SMARCAD1: variants seen among roughly 807,000 people sequenced by gnomAD.
SMARCAD1 encodes SWI/SNF-related matrix-associated actin-dependent regulator of chromatin subfamily A containing DEAD/H box 1.
SMARCAD1 carries 25 observed loss-of-function variants against 127.1 expected under a neutral mutation model. The observed-to-expected ratio is 0.20, with a 90% CI of 0.14 to 0.27. SMARCAD1 has a LOEUF of 0.27. SMARCAD1 is among the 10% of genes least tolerant of loss of function. The pLI, the probability that SMARCAD1 is intolerant of heterozygous loss-of-function variation, is 1.00. For missense variants in SMARCAD1, 807 were observed against 1,206.0 expected (o/e 0.67, Z 4.90); for synonymous variants, 400 against 396.9 (o/e 1.01, Z -0.09).
chr4:94,246,744 T>G (rs1255987916), intron 6 of SMARCAD1, among the ~76,000 whole-genome samples: 1 of 152,132 alleles, frequency 6.6e-6, no homozygotes, highest in African/African-American at 2.4e-5. Flanking sequence ...CAAGTGATAC[T>G]CTCTAGACTG....
intron 6 of SMARCAD1, among the ~76,000 whole-genome samples, chr4:94,245,851 A>G (rs1210094999): frequency 6.6e-6 from 1 of 152,200 alleles, no homozygotes; most frequent in Admixed American, 6.5e-5. Context: ...TGCATAATGC[A>G]GTAATTTTTG....
chr4:94,278,745 T>C lies in SMARCAD1; in HGVS notation c.2296+12T>C. 6.2e-7 allele frequency: 1 copy of C among 1,611,234 alleles called. No homozygotes were observed. Among genetic ancestry groups the C allele is most frequent in the Non-Finnish European group, 8.5e-7 (1 of 1,177,400 alleles). On this transcript the variant is annotated intron_variant, in intron 18 of 23. Transcript: ENST00000354268. ...TATCAATAACTTGGGTATAATCTGA[T>C]TTTTACTCTTTTATGTGAAAAAGAA... is the stretch of plus-strand genomic sequence containing the variant.
At chr4:94,209,681 G>A (rs897993586) in intron 2 of SMARCAD1, among the ~76,000 whole-genome samples, 2 of 152,198 alleles carry the variant, frequency 1.3e-5, no homozygotes, top group Non-Finnish European at 2.9e-5. Context: ...TTGGAAATTG[G>A]CAGAATGATT....
In SMARCAD1 at chr4:94,289,464, G is replaced by C; in HGVS notation, c.3020-9G>C. ...TATAAAGCTTTTAATGCTACTTTCTGACCTACAGGTGATGAAGGGAGTATG... is the reference window on the plus strand; with the variant it reads ...TATAAAGCTTTTAATGCTACTTTCTCACCTACAGGTGATGAAGGGAGTATG... On this transcript the variant is annotated splice_polypyrimidine_tract_variant and intron_variant, in intron 23 of 23. Coordinates refer to ENST00000354268, the MANE Select transcript of SMARCAD1 (RefSeq NM_020159.5). 1 of 1,609,688 alleles carries C rather than the reference G, an allele frequency of 6.2e-7. No individual in the cohort carries two copies. The highest frequency in any genetic ancestry group is 8.5e-7 in the Non-Finnish European group (1 of 1,176,510).
At position 94,290,182 on chromosome 4, in the gene SMARCAD1, G is replaced by A; in HGVS notation, c.*648G>A. On this transcript the variant is annotated 3_prime_UTR_variant, in exon 24 of 24. Transcript: ENST00000354268. The stretch of plus-strand genomic sequence containing the variant: ...GCACTAAGTTGTTTTCCAGTGAATA[G>A]TAACTAAAGAAGCCCCTACCTTGCT... 8.8e-6 allele frequency: 4 copies of A among 454,456 alleles called. No homozygotes were observed. Among genetic ancestry groups the A allele is most frequent in the Non-Finnish European group, 1.8e-5 (4 of 226,734 alleles). The allele number at this position is 454,456 out of a possible 1,614,324, so 28.2% of individuals were successfully genotyped here. A position where few individuals can be genotyped will look rare whatever the true frequency, so the allele number is the denominator to read the frequency against.
intron 6 of SMARCAD1, among the ~76,000 whole-genome samples, chr4:94,244,305 C>G (rs1748065652): frequency 6.6e-6 from 1 of 152,172 alleles, no homozygotes; most frequent in South Asian, 2.1e-4. Context: ...CAGTTTCCTA[C>G]AAACAATGCT....
chr4:94,237,850 A>C (rs1746935740), intron 5 of SMARCAD1, among the ~76,000 whole-genome samples: 1 of 152,160 alleles, frequency 6.6e-6, no homozygotes, highest in Non-Finnish European at 1.5e-5. Context: ...TAAATAGAAC[A>C]AAAATTTCTG....
At chr4:94,272,140 A>C (rs924746710) in intron 11 of SMARCAD1, among the ~76,000 whole-genome samples, 3 of 152,194 alleles carry the variant, frequency 2.0e-5, no homozygotes, top group African/African-American at 7.2e-5. Flanking sequence ...GTGTATGTAC[A>C]CATGCCTGAT....
At chr4:94,233,426 CAT>C in intron 3 of SMARCAD1, among the ~76,000 whole-genome samples, 1 of 152,296 alleles carries the variant, frequency 6.6e-6, no homozygotes, top group South Asian at 2.1e-4. Context: ...AATAAACCCT[CAT>C]ATGAAATAAA....
chr4:94,285,005 A>G lies in SMARCAD1; in HGVS notation c.2955A>G (p.Glu985=). The G allele has an allele frequency of 6.2e-7, 1 of 1,613,478 alleles. No individual in the cohort carries two copies. The highest frequency in any genetic ancestry group is 8.5e-7 in the Non-Finnish European group (1 of 1,179,520). ...TAATAAGCCAAGGGACGATTGAAGA[A>G]TCCATGCTAAAAATTAACCAACAGA... is the stretch of plus-strand genomic sequence containing the variant. ...IKLISQGTIE[E]SMLKINQQKL... The change falls in exon 23 of 24, where the codon GAA becomes GAG. Residue 985 remains glutamate (E), a synonymous_variant. Coordinates refer to ENST00000354268, the MANE Select transcript of SMARCAD1 (RefSeq NM_020159.5).
intron 3 of SMARCAD1, among the ~76,000 whole-genome samples, chr4:94,226,507 ATTTTTT>A (rs60198579): frequency 1.8e-5 from 2 of 112,990 alleles, no homozygotes; most frequent in African/African-American, 3.5e-5. Context: ...GATAACAGTG[ATTTTTT>A]TTTTTTTTTT....
In SMARCAD1 at chr4:94,289,632, A is replaced by T. The variant is rs1755437471; in HGVS notation, c.*98A>T. On this transcript the variant is annotated 3_prime_UTR_variant, in exon 24 of 24. Transcript: ENST00000354268. The stretch of plus-strand genomic sequence containing the variant: ...GACCATGGGGTTTATGAACATTTAT[A>T]ACTTTTTATAATTTCCATATTACAT... 3.6e-6 allele frequency: 4 copies of T among 1,117,788 alleles called. No homozygotes were observed. The South Asian group carries it at 5.0e-5, about 14-fold the overall frequency. 69.2% of individuals were successfully genotyped at this position (1,117,788 alleles called of 1,614,324 possible).
In SMARCAD1 at chr4:94,284,220, G is replaced by A. The variant is rs1459991435; in HGVS notation, c.2910-740G>A. Among the ~76,000 whole-genome samples, 5 of 149,076 alleles carry A rather than the reference G, an allele frequency of 3.4e-5. No individual in the cohort carries two copies. In the East Asian group the frequency reaches 5.9e-4, roughly 18 times the overall value. On this transcript the variant is annotated intron_variant, in intron 22 of 23. Transcript: ENST00000354268. ...CAGGCGCCTGTAGTCCCAGCTACTC[G>A]GGAAGCTGAGGCAGGAGAATGACGT...
rs1159945151 is a variant in SMARCAD1 at position 94,283,169 on chromosome 4, T to C, written c.2775T>C (p.Phe925=). Residue 925 remains phenylalanine (F), a synonymous_variant, in exon 22 of 24, where the codon TTT becomes TTC. Transcript: ENST00000354268. ...EFNTDMDIFV[F]LLSTKAGGLG... ...ATACCGATATGGATATCTTTGTGTT[T>C]CTGCTATCAACAAAAGCTGGTGGAT... 2 of 1,613,842 alleles carry C rather than the reference T, an allele frequency of 1.2e-6. No individual in the cohort carries two copies. The highest frequency in any genetic ancestry group is 8.5e-7 in the Non-Finnish European group (1 of 1,179,954).
chr4:94,211,258 G>A (rs1742207436), intron 2 of SMARCAD1, among the ~76,000 whole-genome samples: 1 of 151,944 alleles, frequency 6.6e-6, no homozygotes, highest in Non-Finnish European at 1.5e-5. Context: ...GGCAACAAGA[G>A]CAAAACTCCA....
chr4:94,274,906 T>G lies in SMARCAD1; in HGVS notation c.1749T>G (p.Arg583=). The change falls in exon 14 of 24, where the codon CGT becomes CGG. Residue 583 remains arginine, a synonymous_variant. Transcript: ENST00000354268. ...VLCYYGSQEE[R]KQIRFNIHSR... The stretch of plus-strand genomic sequence containing the variant: ...AAATTCTAGGTTCTCAAGAAGAACG[T>G]AAACAAATTAGATTTAACATTCATA... 6.2e-7 allele frequency: 1 copy of G among 1,602,188 alleles called. No homozygotes were observed. The highest frequency in any genetic ancestry group is 8.5e-7 in the Non-Finnish European group (1 of 1,169,606).
rs984601934 is a variant in SMARCAD1 at position 94,207,909 on chromosome 4, T to TCCCCTTCTTTGGCCCC, written c.-210_-195dup. On this transcript the variant is annotated 5_prime_UTR_variant, in exon 1 of 24. An upstream open reading frame in the 5' UTR gains an earlier in-frame stop. Coordinates refer to ENST00000354268, the MANE Select transcript of SMARCAD1 (RefSeq NM_020159.5). ...TGCCCGCCAGCACGGCCTCCGCCGC[T>TCCCCTTCTTTGGCCCC]CCCCTTCTTTGGCCCCTTTGTGTCC... is the stretch of plus-strand genomic sequence containing the variant. The TCCCCTTCTTTGGCCCC allele has an allele frequency of 3.0e-5, 10 of 336,784 alleles. No individual in the cohort carries two copies. The highest frequency in any genetic ancestry group is 5.2e-5 in the Non-Finnish European group (9 of 171,634). The allele number at this position is 336,784 out of a possible 1,614,324, so 20.9% of individuals were successfully genotyped here. A position where few individuals can be genotyped will look rare whatever the true frequency, so the allele number is the denominator to read the frequency against.
Position 94,264,765 on chromosome 4 carries a change from C to T in SMARCAD1, c.1340C>T (p.Thr447Ile). The T allele has an allele frequency of 1.9e-6, 3 of 1,612,554 alleles. No homozygotes were observed. Among genetic ancestry groups the T allele is most frequent in the Non-Finnish European group, 2.5e-6 (3 of 1,179,102 alleles). ...LSEDLIWHCK[T>I]LIQERDVVIR... is the part of the protein sequence containing the mutation. Reference sequence around the variant, plus strand: ...GAAGATTTGATATGGCACTGTAAAACACTGATCCAAGAAAGAGATGTAGTT... The same window carrying T: ...GAAGATTTGATATGGCACTGTAAAATACTGATCCAAGAAAGAGATGTAGTT... The change falls in exon 10 of 24, where the codon ACA becomes ATA. Residue 447 changes from threonine to isoleucine, a missense_variant. Coordinates refer to ENST00000354268, the MANE Select transcript of SMARCAD1 (RefSeq NM_020159.5).
chr4:94,290,916 A>G lies in SMARCAD1; in HGVS notation c.*1382A>G, dbSNP rs1016754498. Reference sequence around the variant, plus strand: ...CCTCTGGATTTGGAAGGCAAATAAAACTCTTACAGTGATTATTTAGATATT... The same window carrying G: ...CCTCTGGATTTGGAAGGCAAATAAAGCTCTTACAGTGATTATTTAGATATT... On this transcript the variant is annotated 3_prime_UTR_variant, in exon 24 of 24. Transcript: ENST00000354268. The G allele has an allele frequency of 2.2e-6, 1 of 453,654 alleles. No individual in the cohort carries two copies. The highest frequency in any genetic ancestry group is 4.4e-6 in the Non-Finnish European group (1 of 226,490). 28.1% of individuals were successfully genotyped at this position (453,654 alleles called of 1,614,324 possible).
Sources: allele counts gnomAD v4.1 joint callset (sites outside exome capture counted in the v4.1 genomes callset), GRCh38; gene constraint gnomAD v4.1.1; transcripts MANE v1.5; gene names NCBI Gene and HGNC (gene_info 2026-07-23, HGNC 2026-07-21).